The following PRKACB variants were observed in gnomAD, a reference collection of about 807,000 sequenced individuals.
The protein encoded by PRKACB is cAMP-dependent protein kinase catalytic subunit beta.
A neutral mutation model predicts 51.4 loss-of-function variants in PRKACB; 16 were observed. The ratio of observed to expected loss-of-function variants is 0.31; its 90% CI spans 0.21 to 0.47. PRKACB has a LOEUF of 0.47. PRKACB is among the 20% of genes least tolerant of loss of function. PRKACB has a pLI of 1.00. For missense variants in PRKACB, 309 were observed against 464.5 expected (o/e 0.67, Z 3.08); for synonymous variants, 147 against 154.4 (o/e 0.95, Z 0.35).
rs1193377339 is a variant in PRKACB, at chr1:84,236,785, A to G, written c.*1480A>G. 2 of 152,434 alleles carry G rather than the reference A, an allele frequency of 1.3e-5. No homozygotes were observed. Among genetic ancestry groups the G allele is most frequent in the Admixed American group, 6.6e-5 (1 of 15,252 alleles). The allele number at this position is 152,434 out of a possible 1,614,324, so 9.4% of individuals were successfully genotyped here. A position where few individuals can be genotyped will look rare whatever the true frequency, so the allele number is the denominator to read the frequency against. ...TTTTGCTATTTTTTTCTTTGCTTTT[A>G]ATTTTCCCCATCTGATTTTATCTCT... On this transcript the variant is annotated 3_prime_UTR_variant, in exon 10 of 10. Transcript: ENST00000370685.
At position 84,199,116 on chromosome 1, in the gene PRKACB, C is replaced by CATAT. The variant is rs199699646; in HGVS notation, c.783+1306_783+1309dup. Among the ~76,000 whole-genome samples the CATAT allele has an allele frequency of 4.2e-3, 429 of 101,498 alleles. 3 individuals carry two copies. Among genetic ancestry groups the CATAT allele is most frequent in the South Asian group, 0.011 (38 of 3,598 alleles). 66.6% of individuals were successfully genotyped at this position (101,498 alleles called of 152,430 possible). ...ATATATGCATATATGTATATATATG[C>CATAT]ATATATATATATATATACACACACA... On this transcript the variant is annotated intron_variant, in intron 7 of 9. Coordinates refer to ENST00000370685, the MANE Select transcript of PRKACB (RefSeq NM_182948.4).
chr1:84,184,458 C>T (rs1196792743), intron 4 of PRKACB, among the ~76,000 whole-genome samples: 1 of 151,846 alleles, frequency 6.6e-6, no homozygotes, highest in Non-Finnish European at 1.5e-5. Context: ...ACATTTTCTA[C>T]TTTGATTAAG....
chr1:84,079,675 T>C (rs746022495), intron 1 of PRKACB, among the ~76,000 whole-genome samples: 41 of 152,276 alleles, frequency 2.7e-4, no homozygotes, highest in Middle Eastern at 3.4e-3. Context: ...ATTTTATTAT[T>C]ATTTTTTGAG....
chr1:84,091,548 G>A (rs995060272), intron 1 of PRKACB, among the ~76,000 whole-genome samples: 7 of 151,984 alleles, frequency 4.6e-5, no homozygotes, highest in African/African-American at 1.5e-4. Context: ...GTGTTGCCCA[G>A]GCTGGAGTGC....
In PRKACB at chr1:84,235,258, C is replaced by T. The variant is rs373131577; in HGVS notation, c.1150C>T (p.Arg384Cys). 6.2e-6 allele frequency: 10 copies of T among 1,613,886 alleles called. No individual in the cohort carries two copies. The highest frequency in any genetic ancestry group is 7.6e-6 in the Non-Finnish European group (9 of 1,179,886). The change falls in exon 10 of 10, where the codon CGT (arginine) becomes TGT (cysteine). Residue 384 changes from arginine to cysteine, a missense_variant. Arg to Cys is a radical substitution (Grantham distance 180). This residue lies in a region of PRKACB where 96 missense variants were observed against 129.9 expected (regional missense o/e 0.74). Coordinates refer to ENST00000370685, the MANE Select transcript of PRKACB (RefSeq NM_182948.4). ...TGATGACTATGAAGAAGAAGATATC[C>T]GTGTCTCTATAACAGAAAAATGTGC... The part of the protein sequence containing the change: ...NFDDYEEEDI[R>C]VSITEKCAKE...
intron 1 of PRKACB, among the ~76,000 whole-genome samples, chr1:84,166,980 A>T (rs968718416): frequency 1.3e-5 from 2 of 151,556 alleles, no homozygotes; most frequent in Admixed American, 6.6e-5. Context: ...TCTGTTAATG[A>T]TCTCACTGCC....
exon 1 of PRKACB, chr1:84,078,293 C>G: frequency 6.3e-7 from 1 of 1,594,246 alleles, no homozygotes; most frequent in Non-Finnish European, 8.5e-7. Flanking sequence ...CCCCCCTTCC[C>G]TTCCCTGACC....
At chr1:84,211,468 T>C (rs1024544518) in intron 8 of PRKACB, among the ~76,000 whole-genome samples, 5 of 152,300 alleles carry the variant, frequency 3.3e-5, no homozygotes, top group African/African-American at 1.2e-4. Context: ...GTCATGTTAT[T>C]TTTAAAGTAG....
chr1:84,171,703 CA>C (rs1380009758), intron 1 of PRKACB, among the ~76,000 whole-genome samples: 1 of 151,530 alleles, frequency 6.6e-6, no homozygotes, highest in East Asian at 2.0e-4. Flanking sequence ...AGCAGTAAAA[CA>C]AGAAAAACGT....
intron 1 of PRKACB, among the ~76,000 whole-genome samples, chr1:84,172,303 T>C (rs910825001): frequency 1.5e-4 from 23 of 151,750 alleles, no homozygotes; most frequent in African/African-American, 4.8e-4. Context: ...GTAGTAGATA[T>C]AATACTGCTA....
At chr1:84,092,622 CT>C (rs1248890791) in intron 1 of PRKACB, among the ~76,000 whole-genome samples, 1 of 152,048 alleles carries the variant, frequency 6.6e-6, no homozygotes, top group African/African-American at 2.4e-5. Context: ...GAATTAATTG[CT>C]GGATTTCTGG....
chr1:84,127,052 G>A (rs1198052916), intron 1 of PRKACB, among the ~76,000 whole-genome samples: 1 of 151,904 alleles, frequency 6.6e-6, no homozygotes, highest in East Asian at 1.9e-4. Context: ...CTCTATCTGG[G>A]TCTTTAATTC....
intron 9 of PRKACB, among the ~76,000 whole-genome samples, chr1:84,222,711 G>T (rs1673922496): frequency 6.6e-6 from 1 of 152,118 alleles, no homozygotes; most frequent in Admixed American, 6.5e-5. Context: ...AATTCCCTCA[G>T]TTTTTGCTTA....
chr1:84,128,971 A>G (rs979125860), intron 1 of PRKACB, among the ~76,000 whole-genome samples: 1 of 152,200 alleles, frequency 6.6e-6, no homozygotes, highest in African/African-American at 2.4e-5. Context: ...TTACGTAACC[A>G]TGTGTCACTA....
At chr1:84,144,577 A>G in intron 1 of PRKACB, 29 bp downstream of exon 1, 1 of 1,527,004 alleles carries the variant, frequency 6.5e-7, no homozygotes, top group South Asian at 1.3e-5. Flanking sequence ...ATGATACATT[A>G]TAACTAGCAA....
intron 1 of PRKACB, among the ~76,000 whole-genome samples, chr1:84,137,372 T>C (rs1218323876): frequency 1.3e-5 from 2 of 152,138 alleles, no homozygotes; most frequent in Admixed American, 1.3e-4. Flanking sequence ...GTAAAAAATA[T>C]CATTAGGTGC....
At chr1:84,083,220 T>C (rs771818014) in intron 1 of PRKACB, among the ~76,000 whole-genome samples, 2 of 152,206 alleles carry the variant, frequency 1.3e-5, no homozygotes, top group Non-Finnish European at 2.9e-5. Flanking sequence ...TTCTGTAGAA[T>C]GCAGAGGTAC....
intron 8 of PRKACB, among the ~76,000 whole-genome samples, chr1:84,212,526 G>A (rs1450596502): frequency 6.6e-6 from 1 of 152,124 alleles, no homozygotes; most frequent in African/African-American, 2.4e-5. Flanking sequence ...TATATTTGAA[G>A]ACAGTGTAAT....
intron 5 of PRKACB, among the ~76,000 whole-genome samples, chr1:84,186,839 T>C (rs1207303570): frequency 6.6e-6 from 1 of 152,078 alleles, no homozygotes; most frequent in East Asian, 1.9e-4. Flanking sequence ...TTTCTCAAAG[T>C]AGATTTTTGT....
Sources: allele counts gnomAD v4.1 joint callset (sites outside exome capture counted in the v4.1 genomes callset), GRCh38; gene constraint gnomAD v4.1.1; regional missense constraint gnomAD v4.1.1; transcripts MANE v1.5; gene names NCBI Gene and HGNC (gene_info 2026-07-23, HGNC 2026-07-21).